USP37: variants seen among roughly 807,000 people sequenced by gnomAD.
The protein encoded by USP37 is ubiquitin carboxyl-terminal hydrolase 37.
Under a neutral mutation model 124.0 loss-of-function variants are expected in USP37, and 27 were observed. That is an observed-to-expected ratio of 0.22 (90% CI 0.16 to 0.30). The LOEUF is 0.30. Among genes scored for constraint, USP37 ranks in the 10% least tolerant of loss-of-function variants. USP37 has a pLI of 1.00. For synonymous variants in USP37, 365 were observed against 388.0 expected (o/e 0.94, Z 0.70); for missense variants, 889 against 1,140.4 (o/e 0.78, Z 3.17).
At position 218,549,754 on chromosome 2, in the gene USP37, G is replaced by A. The variant is rs1692563987; in HGVS notation, c.429+55C>T. ...GCTGGGATTACAGGCGTGAGCCACTGTGCCTGGCCAACTATCATTTTTTTT... is the reference window on the plus strand; with the variant it reads ...GCTGGGATTACAGGCGTGAGCCACTATGCCTGGCCAACTATCATTTTTTTT... On this transcript the variant is annotated intron_variant, in intron 6 of 25. Transcript: ENST00000258399. 13 of 1,550,042 alleles carry A rather than the reference G, an allele frequency of 8.4e-6. No homozygotes were observed. In the Admixed American group the frequency reaches 2.3e-4, roughly 27 times the overall value.
At chr2:218,496,599 A>ATG (rs1689092342) in intron 13 of USP37, among the ~76,000 whole-genome samples, 1 of 834 alleles carries the variant, frequency 1.2e-3, no homozygotes, top group Admixed American at 0.025. Flanking sequence ...AATCAAATCT[A>ATG]TATTTGAAGA....
At chr2:218,472,036 GAAA>G (rs59108521) in intron 20 of USP37, among the ~76,000 whole-genome samples, 13 of 138,256 alleles carry the variant, frequency 9.4e-5, no homozygotes, top group Admixed American at 1.5e-4. Context: ...TCCGCCCCAG[GAAA>G]AAAAAAAAAA....
At position 218,455,012 on chromosome 2, in the gene USP37, A is replaced by G; in HGVS notation, c.2858T>C (p.Ile953Thr). Residue 953 changes from isoleucine to threonine, a missense_variant, in exon 26 of 26, where the codon ATC becomes ACC. This residue lies in a region of USP37 where 504 missense variants were observed against 714.3 expected (regional missense o/e 0.71). Transcript: ENST00000258399. ...TTCTGTTTCCAGCAGCTCATCAAAG[A>G]TCTCCCTTAAGATAAAACAAGCAAA... Reference protein sequence around the residue: ...GYIFFYMHKEIFDELLETEKN... With the variant: ...GYIFFYMHKETFDELLETEKN... The G allele has an allele frequency of 6.2e-7, 1 of 1,613,942 alleles. No homozygotes were observed.
At chr2:218,504,130 C>T (rs1689544643) in intron 11 of USP37, among the ~76,000 whole-genome samples, 1 of 152,082 alleles carries the variant, frequency 6.6e-6, no homozygotes, top group Admixed American at 6.6e-5. Context: ...CTATAAAATA[C>T]ATAAAGTAAA....
chr2:218,486,947 C>T (rs1052406848), intron 15 of USP37, among the ~76,000 whole-genome samples: 12 of 152,082 alleles, frequency 7.9e-5, no homozygotes, highest in South Asian at 2.1e-4. Context: ...AGGATGGTCT[C>T]GATCTCCTGA....
At position 218,453,604 on chromosome 2, in the gene USP37, T is replaced by C. The variant is rs766686395; in HGVS notation, c.*1326A>G. The C allele has an allele frequency of 1.8e-4, 27 of 152,202 alleles. No individual in the cohort carries two copies. Among genetic ancestry groups the C allele is most frequent in the Non-Finnish European group, 2.9e-4 (20 of 68,040 alleles). The allele number at this position is 152,202 out of a possible 1,614,324, so 9.4% of individuals were successfully genotyped here. A position where few individuals can be genotyped will look rare whatever the true frequency, so the allele number is the denominator to read the frequency against. ...TCCATCCTCAAAAGAATTCTTTATA[T>C]GGTTTCATAAGCTGCTTAACCAAGC... On this transcript the variant is annotated 3_prime_UTR_variant, in exon 26 of 26. Coordinates refer to ENST00000258399, the MANE Select transcript of USP37 (RefSeq NM_020935.3).
At chr2:218,483,765 C>G (rs1691390427) in intron 16 of USP37, among the ~76,000 whole-genome samples, 1 of 152,156 alleles carries the variant, frequency 6.6e-6, no homozygotes, top group Non-Finnish European at 1.5e-5. Context: ...TCCTTAGTGA[C>G]AGCTGGTAAC....
Position 218,546,827 on chromosome 2 carries a change from T to C in USP37, c.602+92A>G. ...TTACATCTACCAAAAATGTACTCTA[T>C]ACTTTATTTCTCCTCAAATTACTGG... On this transcript the variant is annotated intron_variant, in intron 7 of 25. Coordinates refer to ENST00000258399, the MANE Select transcript of USP37 (RefSeq NM_020935.3). 6 of 1,409,836 alleles carry C rather than the reference T, an allele frequency of 4.3e-6. 2 individuals are homozygous for C. In the South Asian group the frequency reaches 7.5e-5, roughly 18 times the overall value. The allele number at this position is 1,409,836 out of a possible 1,614,324, so 87.3% of individuals were successfully genotyped here.
At chr2:218,535,336 A>G (rs1405526725) in intron 8 of USP37, among the ~76,000 whole-genome samples, 1 of 151,476 alleles carries the variant, frequency 6.6e-6, no homozygotes, top group Non-Finnish European at 1.5e-5. Context: ...ACTGCACTCC[A>G]GCTTGGGCAA....
At chr2:218,544,459 A>AGAGAGAGAGG (rs1457872657) in intron 8 of USP37, among the ~76,000 whole-genome samples, 3 of 143,304 alleles carry the variant, frequency 2.1e-5, no homozygotes, top group African/African-American at 7.9e-5. Context: ...AGAGAGAGAG[A>AGAGAGAGAGG]GACCCCAATT....
intron 8 of USP37, among the ~76,000 whole-genome samples, chr2:218,542,839 G>A (rs902273313): frequency 2.6e-5 from 4 of 152,126 alleles, no homozygotes; most frequent in East Asian, 1.9e-4. Flanking sequence ...GCATAAACTC[G>A]CTAGAGTGAA....
chr2:218,477,932 T>G (rs1237431126), intron 18 of USP37, among the ~76,000 whole-genome samples: 1 of 152,218 alleles, frequency 6.6e-6, no homozygotes, highest in East Asian at 1.9e-4. Context: ...GTTACTGTGT[T>G]GTCTTCTAGG....
chr2:218,544,428 T>TAGAGAGAG (rs1241793062), intron 8 of USP37, among the ~76,000 whole-genome samples: 960 of 49,998 alleles, frequency 0.019, 11 homozygotes, highest in South Asian at 0.032. Context: ...TATATATATA[T>TAGAGAGAG]ATAGAGAGAG....
intron 10 of USP37, among the ~76,000 whole-genome samples, chr2:218,517,551 T>C (rs1309639283): frequency 6.6e-6 from 1 of 152,256 alleles, no homozygotes; most frequent in Non-Finnish European, 1.5e-5. Flanking sequence ...ATATTGAAGA[T>C]ATTTCTGGCT....
intron 19 of USP37, among the ~76,000 whole-genome samples, chr2:218,475,460 C>A (rs1437036918): frequency 6.6e-6 from 1 of 151,952 alleles, no homozygotes; most frequent in Admixed American, 6.6e-5. Flanking sequence ...TTAGGCTGGG[C>A]GTGGTGGCTC....
chr2:218,533,852 C>T (rs1172464591), intron 9 of USP37, among the ~76,000 whole-genome samples: 1 of 152,128 alleles, frequency 6.6e-6, no homozygotes, highest in African/African-American at 2.4e-5. Flanking sequence ...TTCAGAGAAT[C>T]GAACAGATAC....
chr2:218,552,756 A>C (rs1234209228), intron 5 of USP37, among the ~76,000 whole-genome samples: 2 of 152,046 alleles, frequency 1.3e-5, no homozygotes, highest in Non-Finnish European at 2.9e-5. Flanking sequence ...CAAGAGTAAA[A>C]CTTCAGAATA....
intron 10 of USP37, chr2:218,514,384 C>T (rs758196443): frequency 6.6e-6 from 1 of 151,924 alleles, no homozygotes; most frequent in Admixed American, 6.6e-5. Context: ...TTTTTAATGG[C>T]TTTGACAATT....
intron 1 of USP37, among the ~76,000 whole-genome samples, chr2:218,563,877 C>T (rs760906013): frequency 6.6e-6 from 1 of 152,018 alleles, no homozygotes; most frequent in East Asian, 1.9e-4. Flanking sequence ...AATGTGGTCT[C>T]GAACACATTG....
Sources: allele counts gnomAD v4.1 joint callset (sites outside exome capture counted in the v4.1 genomes callset), GRCh38; gene constraint gnomAD v4.1.1; regional missense constraint gnomAD v4.1.1; transcripts MANE v1.5; gene names NCBI Gene and HGNC (gene_info 2026-07-23, HGNC 2026-07-21).